Variants in OSCP1 observed in about 807,000 individuals in gnomAD.
OSCP1 encodes organic solute carrier partner 1, also known as protein OSCP1.
OSCP1 carries 35 observed loss-of-function variants against 45.1 expected under a neutral mutation model. The observed-to-expected ratio is 0.78, with a 90% CI of 0.59 to 1.03. The LOEUF is 1.03. OSCP1 is among the 50% of genes least tolerant of loss of function. The pLI, the probability that OSCP1 is intolerant of heterozygous loss-of-function variation, is 0.00. For missense variants in OSCP1, 400 were observed against 470.7 expected (o/e 0.85, Z 1.39); for synonymous variants, 179 against 180.1 (o/e 0.99, Z 0.05).
intron 2 of OSCP1, among the ~76,000 whole-genome samples, chr1:36,433,313 A>G (rs1268874453): frequency 2.0e-5 from 3 of 152,208 alleles, no homozygotes; most frequent in Non-Finnish European, 2.9e-5. Flanking sequence ...GAGGAAAGAC[A>G]TTCCAGTTGA....
chr1:36,446,303 G>A (rs987537436), intron 1 of OSCP1, among the ~76,000 whole-genome samples: 2 of 152,244 alleles, frequency 1.3e-5, no homozygotes, highest in East Asian at 1.9e-4. Flanking sequence ...GAATATAGGC[G>A]TGAGCCACTG....
chr1:36,428,213 A>G, intron 4 of OSCP1: 1 of 1,378,642 alleles, frequency 7.3e-7, no homozygotes, highest in Non-Finnish European at 9.4e-7. Flanking sequence ...AAAAAAAAGA[A>G]AGAAAAATTT....
intron 7 of OSCP1, among the ~76,000 whole-genome samples, chr1:36,421,784 C>T (rs182179754): frequency 8.5e-5 from 13 of 152,340 alleles, no homozygotes; most frequent in African/African-American, 1.7e-4. Context: ...TTAGCTACCA[C>T]GGTGCTATAG....
intron 4 of OSCP1, among the ~76,000 whole-genome samples, chr1:36,424,236 C>T (rs1031241103): frequency 1.5e-4 from 23 of 152,284 alleles, no homozygotes; most frequent in Admixed American, 4.6e-4. Flanking sequence ...CCACCGTGCT[C>T]GGCTACAAAC....
intron 1 of OSCP1, among the ~76,000 whole-genome samples, chr1:36,440,029 C>A (rs1028541289): frequency 2.6e-5 from 4 of 152,216 alleles, no homozygotes; most frequent in African/African-American, 9.7e-5. Context: ...TATACACTTA[C>A]AGAAATTCAA....
chr1:36,431,369 G>A (rs758657017), intron 4 of OSCP1, among the ~76,000 whole-genome samples: 4 of 151,962 alleles, frequency 2.6e-5, no homozygotes, highest in Non-Finnish European at 5.9e-5. Context: ...GATGGGAGAG[G>A]GAAGGGAAGG....
At chr1:36,438,134 A>G (rs1201281233) in intron 2 of OSCP1, among the ~76,000 whole-genome samples, 10 of 152,134 alleles carry the variant, frequency 6.6e-5, no homozygotes, top group Non-Finnish European at 1.5e-4. Context: ...CCTGACCAAC[A>G]TGGAGAAAAC....
chr1:36,418,607 T>C (rs546855578), intron 9 of OSCP1: 2 of 341,850 alleles, frequency 5.9e-6, no homozygotes. Context: ...AGTTCAACGT[T>C]ATATAAGATG....
At chr1:36,443,104 T>G (rs1570547458) in intron 1 of OSCP1, among the ~76,000 whole-genome samples, 3 of 152,248 alleles carry the variant, frequency 2.0e-5, no homozygotes, top group Admixed American at 2.0e-4. Context: ...GCTGGGATTA[T>G]AAGTGCCCAC....
chr1:36,421,214 G>C (rs1647598613), intron 7 of OSCP1, among the ~76,000 whole-genome samples: 1 of 151,966 alleles, frequency 6.6e-6, no homozygotes, highest in African/African-American at 2.4e-5. Flanking sequence ...AGCCCAAATT[G>C]TTTACCACCC....
intron 4 of OSCP1, among the ~76,000 whole-genome samples, chr1:36,424,455 G>T (rs188214710): frequency 1.3e-5 from 2 of 152,330 alleles, no homozygotes; most frequent in African/African-American, 2.4e-5. Flanking sequence ...GCCTTGAGCT[G>T]TAAGAACCTC....
Position 36,418,217 on chromosome 1 carries a change from C to A in OSCP1, c.1062G>T (p.Gly354=). 6.2e-7 allele frequency: 1 copy of A among 1,614,208 alleles called. No individual in the cohort carries two copies. Among genetic ancestry groups the A allele is most frequent in the East Asian group, 2.2e-5 (1 of 44,884 alleles). Residue 354 remains glycine (G), a synonymous_variant, in exon 10 of 10, where the codon GGG becomes GGT. Coordinates refer to ENST00000235532, the MANE Select transcript of OSCP1 (RefSeq NM_145047.5). The part of the protein sequence containing the change: ...QRSEELARIM[G]EFEITEQPRL... ...TTGGCTGCTCCGTGATCTCAAACTC[C>A]CCCATGATTCGAGCCAGCTCCTCGC...
At position 36,438,750 on chromosome 1, in the gene OSCP1, G is replaced by A. The variant is rs1309916110; in HGVS notation, c.267+6C>T. 1 of 1,594,504 alleles carries A rather than the reference G, an allele frequency of 6.3e-7. No individual in the cohort carries two copies. The highest frequency in any genetic ancestry group is 2.2e-5 in the East Asian group (1 of 44,548). Reference sequence around the variant, plus strand: ...ACCAAGATGACAAAGGCAGCTGTCTGCTCACCTTATCCATGCTGGCCTGGT... The same window carrying A: ...ACCAAGATGACAAAGGCAGCTGTCTACTCACCTTATCCATGCTGGCCTGGT... On this transcript the variant is annotated splice_donor_region_variant and intron_variant, in intron 2 of 9. Transcript: ENST00000235532.
At chr1:36,422,956 T>C (rs1647743013) in intron 5 of OSCP1, 60 bp from the exon 6 acceptor site, 17 of 1,434,014 alleles carry the variant, frequency 1.2e-5, no homozygotes, top group Non-Finnish European at 8.3e-6. Context: ...CCTGGAGGCT[T>C]CTTTATTCTT....
rs1374715003 is a variant in OSCP1 at position 36,450,434 on chromosome 1, A to C, written c.-65T>G. On this transcript the variant is annotated 5_prime_UTR_variant, in exon 1 of 10. Transcript: ENST00000235532. ...TTCGGTAGCCAGTGGCCTGAAGGCC[A>C]GGCCGCAGCGTCCCAATAGTCCGGT... The C allele has an allele frequency of 1.5e-6, 2 of 1,348,344 alleles. No individual in the cohort carries two copies. The highest frequency in any genetic ancestry group is 1.4e-5 in the African/African-American group (1 of 69,358). 83.5% of individuals were successfully genotyped at this position (1,348,344 alleles called of 1,614,324 possible). A position where few individuals can be genotyped will look rare whatever the true frequency, so the allele number is the denominator to read the frequency against.
rs59845875 is a variant in OSCP1 at position 36,436,651 on chromosome 1, G to C, written c.267+2105C>G. On this transcript the variant is annotated intron_variant, in intron 2 of 9. Transcript: ENST00000235532. ...ATTAGAGCTGCAAGACACTGTGCCT[G>C]GTAGTCCTCTTTCACATGGTGGGAG... is the stretch of plus-strand genomic sequence containing the variant. Among the ~76,000 whole-genome samples the C allele has an allele frequency of 0.02, 2,976 of 152,276 alleles. 291 individuals carry two copies. In the East Asian group the frequency reaches 0.29, roughly 15 times the overall value.
intron 4 of OSCP1, among the ~76,000 whole-genome samples, chr1:36,429,385 C>CA (rs57925548): frequency 0.3 from 37,660 of 127,142 alleles, 5,338 homozygotes; most frequent in Middle Eastern, 0.43. Context: ...GAACCTGTCT[C>CA]AAAAAAAAAA....
At chr1:36,440,625 C>T (rs544933929) in intron 1 of OSCP1, among the ~76,000 whole-genome samples, 2 of 152,320 alleles carry the variant, frequency 1.3e-5, no homozygotes, top group South Asian at 4.1e-4. Context: ...ACATAGAACT[C>T]TGTCAGGTTT....
intron 2 of OSCP1, among the ~76,000 whole-genome samples, chr1:36,436,467 C>T (rs1235752476): frequency 2.0e-5 from 3 of 151,992 alleles, no homozygotes; most frequent in Non-Finnish European, 4.4e-5. Flanking sequence ...TCTTGAACTC[C>T]TGGGCTCAAG....
Sources: gnomAD v4.1 joint callset for allele counts (sites outside exome capture counted in the v4.1 genomes callset) on GRCh38, gnomAD v4.1.1 for gene constraint, MANE v1.5 for transcripts, NCBI Gene and HGNC (gene_info 2026-07-23, HGNC 2026-07-21) for gene names.